WNK1: variants seen among roughly 807,000 people sequenced by gnomAD.
WNK1 encodes the protein serine/threonine-protein kinase WNK1.
Under a neutral mutation model 222.8 loss-of-function variants are expected in WNK1, and 38 were observed. The ratio of observed to expected loss-of-function variants is 0.17; its 90% confidence interval spans 0.13 to 0.22. The LOEUF is 0.22. Ranked by LOEUF, WNK1 falls within the 10% of genes least tolerant of loss-of-function variation. The pLI is 1.00. For missense variants in WNK1, 2,348 were observed against 2,918.4 expected (o/e 0.80, Z 4.50); for synonymous variants, 1,090 against 1,092.9 (o/e 1.00, Z 0.05).
chr12:889,753 A>C (rs1313430155), intron 21 of WNK1, among the ~76,000 whole-genome samples: 1 of 152,114 alleles, frequency 6.6e-6, no homozygotes, highest in Non-Finnish European at 1.5e-5. Context: ...CAGGAGGCAG[A>C]GCTTGCAGTG....
At chr12:907,590 G>T (rs912652937) in intron 26 of WNK1, 2 of 535,962 alleles carry the variant, frequency 3.7e-6, no homozygotes, top group African/African-American at 1.9e-5. Context: ...ACTGAAAGAG[G>T]CCCCTGCCTG....
intron 4 of WNK1, chr12:851,338 T>C: frequency 2.0e-6 from 2 of 995,372 alleles, no homozygotes; most frequent in Non-Finnish European, 1.2e-6. Context: ...CAAGAAAGGT[T>C]TTGATAGGTC....
chr12:771,189 G>A (rs950800576), intron 1 of WNK1, among the ~76,000 whole-genome samples: 1 of 151,612 alleles, frequency 6.6e-6, no homozygotes, highest in Non-Finnish European at 1.5e-5. Flanking sequence ...AGTAGAGATG[G>A]GGTTTCACCG....
intron 4 of WNK1, among the ~76,000 whole-genome samples, chr12:833,554 T>C (rs1156877320): frequency 6.6e-6 from 1 of 152,242 alleles, no homozygotes; most frequent in Non-Finnish European, 1.5e-5. Flanking sequence ...TCAATCCATA[T>C]ACTTAACGGT....
intron 1 of WNK1, among the ~76,000 whole-genome samples, chr12:810,603 CGAAT>C (rs71051389): frequency 0.12 from 18,883 of 151,844 alleles, 1,444 homozygotes; most frequent in Middle Eastern, 0.2. Flanking sequence ...TGCTTCTGGG[CGAAT>C]AAAGTGAACA....
In WNK1 at chr12:911,127, A is replaced by G; in HGVS notation, c.*2335A>G. The G allele has an allele frequency of 2.5e-6, 1 of 395,904 alleles. No individual in the cohort carries two copies. Among genetic ancestry groups the G allele is most frequent in the Middle Eastern group, 6.4e-4 (1 of 1,572 alleles). The allele number at this position is 395,904 out of a possible 1,614,324, so 24.5% of individuals were successfully genotyped here. On this transcript the variant is annotated 3_prime_UTR_variant, in exon 28 of 28. Transcript: ENST00000315939. ...TACTGTTGATTTCATCCTCCTGTGT[A>G]TGAAATAACAAGCCTAGAGGAATGA...
At chr12:825,218 A>T (rs1344815571) in intron 2 of WNK1, among the ~76,000 whole-genome samples, 5 of 152,146 alleles carry the variant, frequency 3.3e-5, no homozygotes, top group African/African-American at 1.2e-4. Flanking sequence ...ATCCAGCATG[A>T]CTGTTTTGAT....
rs755234296 is a variant in WNK1 at position 900,579 on chromosome 12, C to T, written c.6552C>T (p.Pro2184=). 9.9e-6 allele frequency: 16 copies of T among 1,614,082 alleles called. No homozygotes were observed. The highest frequency in any genetic ancestry group is 1.7e-5 in the Admixed American group (1 of 60,006). ...PESGQNQLLQ[P]LKPSPSSDNL... ...CCGGGCAGAATCAGCTGTTACAGCC[C>T]CTTAAGCCATCTCCCTCCAGTGACA... Residue 2184 remains proline (P), a synonymous_variant, in exon 26 of 28, where the codon CCC becomes CCT. Transcript: ENST00000315939.
chr12:881,031 A>AACGTATATATGTAAT, intron 12 of WNK1, 32 bp downstream of exon 12: 1 of 1,613,146 alleles, frequency 6.2e-7, no homozygotes. Context: ...TTATATGTAA[A>AACGTATATATGTAAT]ACGTATATAT....
At chr12:867,865 G>T (rs770216307) in intron 8 of WNK1, 1 of 1,613,554 alleles carries the variant, frequency 6.2e-7, no homozygotes, top group Non-Finnish European at 8.5e-7. Flanking sequence ...TGTTGATACA[G>T]CCTCAGTCCA....
chr12:865,330 G>A lies in WNK1; in HGVS notation c.2139+3060G>A, dbSNP rs550716144. 224 of 1,536,102 alleles carry A rather than the reference G, an allele frequency of 1.5e-4. No individual in the cohort carries two copies. The African/African-American group carries it at 2.0e-3, about 13-fold the overall frequency. ...CACTCTGCCTCTCAGCGCAAGCACCGACGCTCCAGCCTGCCTTCCCTCTTT... is the reference window on the plus strand; with the variant it reads ...CACTCTGCCTCTCAGCGCAAGCACCAACGCTCCAGCCTGCCTTCCCTCTTT... On this transcript the variant is annotated intron_variant, in intron 8 of 27. Coordinates refer to ENST00000315939, the MANE Select transcript of WNK1 (RefSeq NM_018979.4).
In WNK1 at chr12:880,704, C is replaced by T; in HGVS notation, c.2833-17C>T. The T allele has an allele frequency of 1.2e-6, 2 of 1,613,240 alleles. No homozygotes were observed. The highest frequency in any genetic ancestry group is 2.2e-5 in the East Asian group (1 of 44,876). ...CCCCCAACCTGCTCTAACTCACCTT[C>T]CTCATTTCTGTCACAGGGCTTCCCA... is the stretch of plus-strand genomic sequence containing the variant. On this transcript the variant is annotated splice_polypyrimidine_tract_variant and intron_variant, in intron 11 of 27. Coordinates refer to ENST00000315939, the MANE Select transcript of WNK1 (RefSeq NM_018979.4).
intron 1 of WNK1, among the ~76,000 whole-genome samples, chr12:798,029 C>T (rs1945495125): frequency 6.6e-6 from 1 of 151,664 alleles, no homozygotes; most frequent in Non-Finnish European, 1.5e-5. Context: ...TAATATCTGC[C>T]TTCTGTCTTT....
At chr12:902,125 C>T (rs1955311519) in intron 26 of WNK1, among the ~76,000 whole-genome samples, 1 of 150,928 alleles carries the variant, frequency 6.6e-6, no homozygotes, top group South Asian at 2.1e-4. Context: ...ATGGTGATAC[C>T]CCATCTCTAA....
In WNK1 at chr12:907,971, T is replaced by C; in HGVS notation, c.6768T>C (p.Asn2256=). The change falls in exon 27 of 28, where the codon AAT becomes AAC. Residue 2256 remains asparagine, a synonymous_variant. Transcript: ENST00000315939. The stretch of plus-strand genomic sequence containing the variant: ...ATGACTTGCACAAGTTGGTAGACAA[T>C]TGGGCCCGAGATGCCATGAATCTCT... ...FTDDLHKLVD[N]WARDAMNLSG... The C allele has an allele frequency of 6.2e-7, 1 of 1,614,094 alleles. No individual in the cohort carries two copies. The highest frequency in any genetic ancestry group is 1.3e-5 in the African/African-American group (1 of 74,996).
At chr12:865,355 T>C in intron 8 of WNK1, 1 of 1,536,132 alleles carries the variant, frequency 6.5e-7, no homozygotes, top group Non-Finnish European at 8.7e-7. Context: ...CTTCCCTCTT[T>C]GTCAGTACTG....
chr12:810,849 C>T (rs1946839677), intron 1 of WNK1, among the ~76,000 whole-genome samples: 1 of 152,102 alleles, frequency 6.6e-6, no homozygotes, highest in Admixed American at 6.6e-5. Context: ...CTGAGATGAG[C>T]AATTGTTTTA....
At chr12:863,394 T>C (rs1592069267) in intron 8 of WNK1, among the ~76,000 whole-genome samples, 2 of 151,984 alleles carry the variant, frequency 1.3e-5, no homozygotes, top group African/African-American at 4.8e-5. Context: ...CAATCTACTT[T>C]CTGTCTTTAA....
intron 8 of WNK1, 110 bp downstream of exon 8, chr12:862,380 A>G: frequency 8.3e-7 from 1 of 1,204,216 alleles, no homozygotes; most frequent in East Asian, 2.5e-5. Flanking sequence ...GAAGTAGAAA[A>G]TATAAAATGC....
Sources: allele counts gnomAD v4.1 joint callset (sites outside exome capture counted in the v4.1 genomes callset), GRCh38; gene constraint gnomAD v4.1.1; transcripts MANE v1.5; gene names NCBI Gene and HGNC (gene_info 2026-07-23, HGNC 2026-07-21).